The following KRT6A variants were observed in gnomAD, a reference collection of about 807,000 sequenced individuals.
The protein encoded by KRT6A is keratin, type II cytoskeletal 6A.
A neutral mutation model predicts 48.6 loss-of-function variants in KRT6A; 28 were observed. The ratio of observed to expected loss-of-function variants is 0.58; its 90% CI spans 0.43 to 0.79. KRT6A has a LOEUF of 0.79. Ranked by LOEUF, KRT6A falls within the 30% of genes least tolerant of loss-of-function variation. KRT6A has a pLI of 0.00. For missense variants in KRT6A, 687 were observed against 724.3 expected (o/e 0.95, Z 0.59); for synonymous variants, 301 against 294.2 (o/e 1.02, Z -0.24).
chr12:52,492,720 G>C lies in KRT6A; in HGVS notation c.469C>G (p.Gln157Glu). 1 of 1,614,032 alleles carries C rather than the reference G, an allele frequency of 6.2e-7. No homozygotes were observed. The highest frequency in any genetic ancestry group is 8.5e-7 in the Non-Finnish European group (1 of 1,179,966). The change falls in exon 1 of 9, where the codon CAG becomes GAG. Residue 157 changes from glutamine (Q) to glutamate (E), a missense_variant. By Grantham distance (29) the Gln-to-Glu change is conservative. This residue lies in a region of KRT6A where 566 missense variants were observed against 565.3 expected (regional missense o/e 1.00). Coordinates refer to ENST00000330722, the MANE Select transcript of KRT6A (RefSeq NM_005554.4). ...PLNLQIDPTI[Q>E]RVRAEEREQI... ...TCACGCTCCTCAGCCCGCACCCGCTGGATGGTGGGATCGATTTGCAGGTTG... is the reference window on the plus strand; with the variant it reads ...TCACGCTCCTCAGCCCGCACCCGCTCGATGGTGGGATCGATTTGCAGGTTG...
At chr12:52,491,246 C>T in intron 2 of KRT6A, 74 bp from the exon 3 acceptor site, 1 of 1,609,838 alleles carries the variant, frequency 6.2e-7, no homozygotes, top group Non-Finnish European at 8.5e-7. Flanking sequence ...TGGGATTCAA[C>T]ATTTTCCCGA....
chr12:52,488,068 C>G lies in KRT6A; in HGVS notation c.1459+1G>C. The G allele has an allele frequency of 6.2e-7, 1 of 1,614,098 alleles. No individual in the cohort carries two copies. The highest frequency in any genetic ancestry group is 8.5e-7 in the Non-Finnish European group (1 of 1,179,956). On this transcript the variant is annotated splice_donor_variant, in intron 8 of 8. Transcript: ENST00000330722. LOFTEE classifies it high-confidence loss of function. ...GGAGGAAGGCAAGCAAAGGTACTTA[C>G]AGATGTTGACTTGTCCAACGCCTTC...
chr12:52,491,934 C>T (rs568488583), intron 1 of KRT6A, among the ~76,000 whole-genome samples, 198 bp from the exon 2 acceptor site: 48 of 152,300 alleles, frequency 3.2e-4, no homozygotes, highest in African/African-American at 1.0e-3. Context: ...AATTGTCCCA[C>T]GGACCATTCA....
Position 52,492,698 on chromosome 12 carries a change from C to T in KRT6A, c.491G>A (p.Arg164His), listed in dbSNP as rs62635293. ...PTIQRVRAEE[R>H]EQIKTLNNKF... ...GTTGTTGAGGGTCTTGATCTGTTCA[C>T]GCTCCTCAGCCCGCACCCGCTGGAT... Residue 164 changes from arginine (R) to histidine (H), a missense_variant, in exon 1 of 9, where the codon CGT becomes CAT. By Grantham distance (29) the Arg-to-His change is conservative. Around this residue, in one of 3 missense-constraint regions of KRT6A, gnomAD observed 566 missense variants for 565.3 expected, o/e 1.00. Transcript: ENST00000330722. 14 of 1,614,040 alleles carry T rather than the reference C, an allele frequency of 8.7e-6. No individual in the cohort carries two copies. Among genetic ancestry groups the T allele is most frequent in the South Asian group, 4.4e-5 (4 of 91,068 alleles).
rs772751520 is a variant in KRT6A, at chr12:52,491,612, C to G, written c.665G>C (p.Arg222Thr). 5 of 1,614,208 alleles carry G rather than the reference C, an allele frequency of 3.1e-6. No homozygotes were observed. Among genetic ancestry groups the G allele is most frequent in the Non-Finnish European group, 4.2e-6 (5 of 1,180,034 alleles). The change falls in exon 2 of 9, where the codon AGG becomes ACG. Residue 222 changes from arginine (R) to threonine (T), a missense_variant. Arg to Thr is a moderately conservative substitution (Grantham distance 71, BLOSUM62 -1). This residue lies in a region of KRT6A where 566 missense variants were observed against 565.3 expected (regional missense o/e 1.00). Transcript: ENST00000330722. Reference protein sequence around the residue: ...PLFEQYINNLRRQLDSIVGER... With the variant: ...PLFEQYINNLTRQLDSIVGER... Reference sequence around the variant, plus strand: ...CCCGACAATGCTGTCCAGCTGCCTCCTGAGGTTGTTGATGTACTGCTCGAA... The same window carrying G: ...CCCGACAATGCTGTCCAGCTGCCTCGTGAGGTTGTTGATGTACTGCTCGAA...
At chr12:52,488,963 G>T (rs1489178596) in intron 6 of KRT6A, among the ~76,000 whole-genome samples, 2 of 152,180 alleles carry the variant, frequency 1.3e-5, no homozygotes, top group Admixed American at 1.3e-4. Context: ...ACATGAGACT[G>T]CTGAGACCTT....
In KRT6A at chr12:52,493,071, G is replaced by C; in HGVS notation, c.118C>G (p.Arg40Gly). The C allele has an allele frequency of 6.2e-7, 1 of 1,613,346 alleles. No homozygotes were observed. Among genetic ancestry groups the C allele is most frequent in the Non-Finnish European group, 8.5e-7 (1 of 1,180,010 alleles). The change falls in exon 1 of 9, where the codon CGC becomes GGC. Residue 40 changes from arginine to glycine, a missense_variant. Physicochemically the swap from Arg to Gly is moderately radical, Grantham distance 125 (BLOSUM62 -2). Coordinates refer to ENST00000330722, the MANE Select transcript of KRT6A (RefSeq NM_005554.4). Reference sequence around the variant, plus strand: ...CCCAGGCCACCACTGCCCCTGGAGCGGGACACGGAGACGCTGCTGAAGCCA... The same window carrying C: ...CCCAGGCCACCACTGCCCCTGGAGCCGGACACGGAGACGCTGCTGAAGCCA... ...RSGFSSVSVS[R>G]SRGSGGLGGA...
At chr12:52,490,405 A>C in intron 5 of KRT6A, 164 bp downstream of exon 5, 1 of 1,282,114 alleles carries the variant, frequency 7.8e-7, no homozygotes, top group Non-Finnish European at 1.1e-6. Flanking sequence ...TTCCTTCTTG[A>C]CTTGGGCATA....
intron 7 of KRT6A, 35 bp downstream of exon 7, chr12:52,488,293 C>A (rs1486745414): frequency 6.2e-7 from 1 of 1,614,056 alleles, no homozygotes; most frequent in African/African-American, 1.3e-5. Context: ...TGAAGATGGA[C>A]TCAGCTGTTG....
At chr12:52,491,468 A>G (rs1411845753) in intron 2 of KRT6A, 54 bp downstream of exon 2, 3 of 1,597,822 alleles carry the variant, frequency 1.9e-6, no homozygotes, top group Non-Finnish European at 1.7e-6. Flanking sequence ...GTCACCCAAT[A>G]GTCTTGAAGT....
chr12:52,489,796 CA>C, intron 6 of KRT6A, 146 bp downstream of exon 6: 1 of 1,309,392 alleles, frequency 7.6e-7, no homozygotes, highest in Non-Finnish European at 1.1e-6. Context: ...GTCTCCTAAG[CA>C]GCAGGTACCC....
At position 52,488,545 on chromosome 12, in the gene KRT6A, C is replaced by A; in HGVS notation, c.1207G>T (p.Ala403Ser). The A allele has an allele frequency of 5.6e-6, 9 of 1,614,108 alleles. No individual in the cohort carries two copies. The highest frequency in any genetic ancestry group is 6.8e-6 in the Non-Finnish European group (8 of 1,180,030). Reference sequence around the variant, plus strand: ...TCAGCAATGGCGGCCTGCAGGTTGGCGCACTGGAAGAGGAAAGGAATAGAA... The same window carrying A: ...TCAGCAATGGCGGCCTGCAGGTTGGAGCACTGGAAGAGGAAAGGAATAGAA... Reference protein sequence around the residue: ...SEIDHVKKQCANLQAAIADAE... With the variant: ...SEIDHVKKQCSNLQAAIADAE... Residue 403 changes from alanine to serine, a missense_variant, in exon 7 of 9, where the codon GCC becomes TCC. This residue lies in a region of KRT6A where 566 missense variants were observed against 565.3 expected (regional missense o/e 1.00). Coordinates refer to ENST00000330722, the MANE Select transcript of KRT6A (RefSeq NM_005554.4).
intron 1 of KRT6A, among the ~76,000 whole-genome samples, chr12:52,492,043 T>C (rs7132553): frequency 1.1e-4 from 17 of 152,310 alleles, no homozygotes; most frequent in African/African-American, 3.8e-4. Context: ...TATAAAATAG[T>C]ATTCATCTGA....
rs753131663 is a variant in KRT6A at position 52,491,786 on chromosome 12, A to G, written c.541-50T>C. 345 of 1,611,010 alleles carry G rather than the reference A, an allele frequency of 2.1e-4. 3 individuals carry two copies. In the South Asian group the frequency reaches 3.6e-3, roughly 17 times the overall value. On this transcript the variant is annotated intron_variant, in intron 1 of 8. Transcript: ENST00000330722. ...TTTCCAGGCAAGGGAAGGAAGAAAA[A>G]GTGTCTGGTATCCGGTTTCCTGGCA...
rs1053741 is a variant in KRT6A, at chr12:52,487,721, T to C, written c.1694A>G (p.Ter565=). The part of the protein sequence containing the change: ...SSSSRKSYKH[*] ...GGACCGAGAGCTAGCAGACGCACTTTAGTGCTTATAGCTCTTCCTGCTGGA... is the reference window on the plus strand; with the variant it reads ...GGACCGAGAGCTAGCAGACGCACTTCAGTGCTTATAGCTCTTCCTGCTGGA... The change falls in exon 9 of 9, where the codon TAA becomes TGA. Residue 565 remains the stop codon, a stop_retained_variant. Transcript: ENST00000330722. The C allele has an allele frequency of 1.3e-5, 21 of 1,614,048 alleles. No homozygotes were observed. The highest frequency in any genetic ancestry group is 1.7e-5 in the Admixed American group (1 of 60,010).
chr12:52,490,726 G>T lies in KRT6A; in HGVS notation c.920C>A (p.Ser307Tyr), dbSNP rs775408129. 1.3e-5 allele frequency: 21 copies of T among 1,614,106 alleles called. No homozygotes were observed. The highest frequency in any genetic ancestry group is 8.3e-5 in the Admixed American group (5 of 60,010). ...FLRALYDAEL[S>Y]QMQTHISDTS... ...GTCTGAGATGTGGGTCTGCATCTGG[G>T]ACAGCTCCTGCAGAACAGAAGGTCA... Residue 307 changes from serine (S) to tyrosine (Y), a missense_variant, in exon 5 of 9, where the codon TCC becomes TAC. Coordinates refer to ENST00000330722, the MANE Select transcript of KRT6A (RefSeq NM_005554.4).
rs1258506758 is a variant in KRT6A at position 52,488,533 on chromosome 12, C to G, written c.1219G>C (p.Ala407Pro). ...CGCTGCTCAGCATCAGCAATGGCGGCCTGCAGGTTGGCGCACTGGAAGAGG... is the reference window on the plus strand; with the variant it reads ...CGCTGCTCAGCATCAGCAATGGCGGGCTGCAGGTTGGCGCACTGGAAGAGG... ...HVKKQCANLQ[A>P]AIADAEQRGE... The change falls in exon 7 of 9, where the codon GCC becomes CCC. Residue 407 changes from alanine (A) to proline (P), a missense_variant. Coordinates refer to ENST00000330722, the MANE Select transcript of KRT6A (RefSeq NM_005554.4). The G allele has an allele frequency of 3.1e-6, 5 of 1,614,146 alleles. No homozygotes were observed. Among genetic ancestry groups the G allele is most frequent in the Non-Finnish European group, 4.2e-6 (5 of 1,180,022 alleles).
At chr12:52,489,826 T>C in intron 6 of KRT6A, 117 bp downstream of exon 6, 1 of 1,545,992 alleles carries the variant, frequency 6.5e-7, no homozygotes, top group Non-Finnish European at 8.8e-7. Flanking sequence ...TAGGAAATGA[T>C]AGCCTCCTCT....
In KRT6A at chr12:52,491,558, C is replaced by G. The variant is rs1018207300; in HGVS notation, c.719G>C (p.Arg240Thr). 1 of 1,614,192 alleles carries G rather than the reference C, an allele frequency of 6.2e-7. No individual in the cohort carries two copies. The change falls in exon 2 of 9, where the codon AGA becomes ACA. Residue 240 changes from arginine (R) to threonine (T), a missense_variant. Arg to Thr is a moderately conservative substitution (Grantham distance 71). Coordinates refer to ENST00000330722, the MANE Select transcript of KRT6A (RefSeq NM_005554.4). ...GERGRLDSELRGMQDLVEDFK... is the reference protein window; with the variant it reads ...GERGRLDSELTGMQDLVEDFK... ...GTCCTCCACCAGGTCCTGCATGCCT[C>G]TGAGCTCTGAGTCCAGGCGGCCCCG...
Sources: gnomAD v4.1 joint callset for allele counts (sites outside exome capture counted in the v4.1 genomes callset) on GRCh38, gnomAD v4.1.1 for gene constraint, gnomAD v4.1.1 regional missense constraint, MANE v1.5 for transcripts, NCBI Gene and HGNC (gene_info 2026-07-23, HGNC 2026-07-21) for gene names.